Variants in TNRC18 observed in about 807,000 individuals in gnomAD.
The protein encoded by TNRC18 is trinucleotide repeat-containing gene 18 protein.
A neutral mutation model predicts 226.7 loss-of-function variants in TNRC18; 69 were observed. That is an observed-to-expected ratio of 0.30 (90% confidence interval 0.25 to 0.37). The LOEUF is 0.37. Ranked by LOEUF, TNRC18 falls within the 10% of genes least tolerant of loss-of-function variation. The probability of loss-of-function intolerance (pLI) is 1.00; values close to 1 mark genes in which losing one functional copy is unlikely to be tolerated. For synonymous variants in TNRC18, 2,449 were observed against 1,927.6 expected (o/e 1.27, Z -7.09); for missense variants, 4,754 against 4,256.6 (o/e 1.12, Z -3.25).
Position 5,388,386 on chromosome 7 carries a change from G to GGGGCGCACGCTCGCA in TNRC18, c.1423_1437dup (p.Cys475_Pro479dup), listed in dbSNP as rs1319751912. The stretch of plus-strand genomic sequence containing the variant: ...TGGGCTGCAGGACCGGCTGGGCCGC[G>GGGGCGCACGCTCGCA]GGGCGCACGCTCGCAGGGCCTCGGG... On this transcript the variant is annotated inframe_insertion, in exon 5 of 30. Transcript: ENST00000430969. 9 of 1,525,428 alleles carry GGGGCGCACGCTCGCA rather than the reference G, an allele frequency of 5.9e-6. No individual in the cohort carries two copies. The African/African-American group carries it at 1.3e-4, about 22-fold the overall frequency. The allele number at this position is 1,525,428 out of a possible 1,614,324, so 94.5% of individuals were successfully genotyped here.
At chr7:5,410,294 G>A (rs1393676309) in intron 2 of TNRC18, among the ~76,000 whole-genome samples, 1 of 122,434 alleles carries the variant, frequency 8.2e-6, no homozygotes, top group Middle Eastern at 6.1e-3. Context: ...CTGGGCAACA[G>A]AGCAAGACTC....
chr7:5,356,630 G>A (rs543707036), intron 16 of TNRC18, among the ~76,000 whole-genome samples: 10 of 152,336 alleles, frequency 6.6e-5, no homozygotes, highest in African/African-American at 2.4e-4. Context: ...GGGCAAGACA[G>A]GGCCGGCGGA....
intron 18 of TNRC18, among the ~76,000 whole-genome samples, chr7:5,334,674 C>T (rs1351146939): frequency 6.6e-6 from 1 of 152,156 alleles, no homozygotes; most frequent in Non-Finnish European, 1.5e-5. Flanking sequence ...AGGCCACAGG[C>T]ATGAGCGCTC....
At position 5,421,415 on chromosome 7, in the gene TNRC18, G is replaced by A; in HGVS notation, c.-169C>T. On this transcript the variant is annotated 5_prime_UTR_variant, in exon 2 of 30. Coordinates refer to ENST00000430969, the MANE Select transcript of TNRC18 (RefSeq NM_001080495.3). ...GCGCTCGGCGGCGGGCCCGCGGCCC[G>A]GGGCGCACAGGCGGCCGGCGGTGGG... is the stretch of plus-strand genomic sequence containing the variant. 2 of 425,638 alleles carry A rather than the reference G, an allele frequency of 4.7e-6. No individual in the cohort carries two copies. The highest frequency in any genetic ancestry group is 6.3e-6 in the Non-Finnish European group (2 of 316,908). The allele number at this position is 425,638 out of a possible 1,614,324, so 26.4% of individuals were successfully genotyped here.
rs368368703 is a variant in TNRC18, at chr7:5,370,697, G to C, written c.3897C>G (p.Pro1299=). 4 of 1,611,016 alleles carry C rather than the reference G, an allele frequency of 2.5e-6. No homozygotes were observed. Among genetic ancestry groups the C allele is most frequent in the Non-Finnish European group, 3.4e-6 (4 of 1,179,110 alleles). Residue 1299 remains proline, a synonymous_variant, in exon 11 of 30, where the codon CCC becomes CCG. Coordinates refer to ENST00000430969, the MANE Select transcript of TNRC18 (RefSeq NM_001080495.3). ...GGCTCGGGCACTGTCCCTCCCCGGC[G>C]GGCACGTCACAGTCTGACATTTCTA... ...PTLEMSDCDV[P]AGEGQCPSLE...
intron 4 of TNRC18, 51 bp from the exon 5 acceptor site, chr7:5,389,387 C>T (rs1780104629): frequency 1.6e-6 from 2 of 1,229,102 alleles, no homozygotes; most frequent in Non-Finnish European, 2.0e-6. Flanking sequence ...TCCCCTCCCA[C>T]CCCTGCCTGG....
At chr7:5,412,784 G>C (rs1395287689) in intron 2 of TNRC18, among the ~76,000 whole-genome samples, 2 of 152,066 alleles carry the variant, frequency 1.3e-5, no homozygotes, top group Non-Finnish European at 2.9e-5. Flanking sequence ...TTCTATCTGG[G>C]GATTACCAGG....
chr7:5,399,983 G>C (rs772405399), intron 2 of TNRC18, among the ~76,000 whole-genome samples: 8 of 151,914 alleles, frequency 5.3e-5, no homozygotes, highest in Non-Finnish European at 1.2e-4. Context: ...TCAACCTCCC[G>C]GGCTCAAGCA....
At position 5,423,476 on chromosome 7, in the gene TNRC18, G is replaced by A. The variant is rs1234837363; in HGVS notation, c.-279C>T. The A allele has an allele frequency of 6.6e-6, 1 of 152,106 alleles. No individual in the cohort carries two copies. Among genetic ancestry groups the A allele is most frequent in the Non-Finnish European group, 1.5e-5 (1 of 68,008 alleles). The allele number at this position is 152,106 out of a possible 1,614,324, so 9.4% of individuals were successfully genotyped here. A position where few individuals can be genotyped will look rare whatever the true frequency, so the allele number is the denominator to read the frequency against. On this transcript the variant is annotated 5_prime_UTR_variant, in exon 1 of 30. Coordinates refer to ENST00000430969, the MANE Select transcript of TNRC18 (RefSeq NM_001080495.3). ...TGGGTTCACGGCTCCAGGCTCCGGC[G>A]ACAACGACTCCGGCGGCGGCCCCGG...
At chr7:5,329,706 A>AAC (rs1440632487) in intron 19 of TNRC18, among the ~76,000 whole-genome samples, 2 of 151,226 alleles carry the variant, frequency 1.3e-5, no homozygotes, top group African/African-American at 4.9e-5. Flanking sequence ...AAAAAAAAAA[A>AAC]AGGATAGCTA....
intron 18 of TNRC18, among the ~76,000 whole-genome samples, chr7:5,341,247 TA>T (rs199568595): frequency 0.16 from 21,442 of 137,014 alleles, 1,706 homozygotes; most frequent in African/African-American, 0.19. Context: ...CTGTCTCTAC[TA>T]AAAAAAAAAA....
chr7:5,389,145 C>A lies in TNRC18; in HGVS notation c.679G>T (p.Ala227Ser), dbSNP rs1367353712. 1.5e-6 allele frequency: 2 copies of A among 1,319,458 alleles called. No homozygotes were observed. Among genetic ancestry groups the A allele is most frequent in the African/African-American group, 1.6e-5 (1 of 63,268 alleles). The allele number at this position is 1,319,458 out of a possible 1,614,324, so 81.7% of individuals were successfully genotyped here. A position where few individuals can be genotyped will look rare whatever the true frequency, so the allele number is the denominator to read the frequency against. The change falls in exon 5 of 30, where the codon GCC becomes TCC. Residue 227 changes from alanine (A) to serine (S), a missense_variant. By Grantham distance (99) the Ala-to-Ser change is moderately conservative. Coordinates refer to ENST00000430969, the MANE Select transcript of TNRC18 (RefSeq NM_001080495.3). The part of the protein sequence containing the change: ...PPLFGKKDPR[A>S]RGEEASGPRG... The stretch of plus-strand genomic sequence containing the variant: ...GGCCCCGAGGCCTCCTCGCCCCGGG[C>A]GCGCGGGTCCTTCTTGCCGAAAAGC...
At chr7:5,319,817 C>A (rs1788173648) in intron 24 of TNRC18, among the ~76,000 whole-genome samples, 1 of 152,172 alleles carries the variant, frequency 6.6e-6, no homozygotes, top group Admixed American at 6.6e-5. Flanking sequence ...GCCTCATTCT[C>A]TCTTATTCTA....
intron 2 of TNRC18, among the ~76,000 whole-genome samples, chr7:5,398,132 C>T (rs1396868377): frequency 2.0e-5 from 3 of 151,952 alleles, no homozygotes; most frequent in Non-Finnish European, 2.9e-5. Context: ...TCTTGGGTAG[C>T]TGGGACCACA....
In TNRC18 at chr7:5,307,942, GCACA is replaced by G. The variant is rs895709747; in HGVS notation, c.*160_*163del. ...TGCACATGCGTGCACACACGTGCATGCACACACACTCACCCGGGCATCCACGTGC... is the reference window on the plus strand; with the variant it reads ...TGCACATGCGTGCACACACGTGCATGCACACTCACCCGGGCATCCACGTGC... On this transcript the variant is annotated 3_prime_UTR_variant, in exon 30 of 30. Transcript: ENST00000430969. The G allele has an allele frequency of 2.6e-5, 17 of 644,088 alleles. No homozygotes were observed. Among genetic ancestry groups the G allele is most frequent in the Non-Finnish European group, 3.5e-5 (13 of 372,568 alleles). 39.9% of individuals were successfully genotyped at this position (644,088 alleles called of 1,614,324 possible). A position where few individuals can be genotyped will look rare whatever the true frequency, so the allele number is the denominator to read the frequency against.
chr7:5,405,000 C>G (rs968183550), intron 2 of TNRC18, among the ~76,000 whole-genome samples: 5 of 152,054 alleles, frequency 3.3e-5, no homozygotes, highest in Non-Finnish European at 5.9e-5. Context: ...CGCCTGTAGT[C>G]CCAGCTATTG....
At chr7:5,414,366 C>G (rs1384245547) in intron 2 of TNRC18, among the ~76,000 whole-genome samples, 1 of 151,462 alleles carries the variant, frequency 6.6e-6, no homozygotes, top group Non-Finnish European at 1.5e-5. Context: ...ATTCCGAGGA[C>G]AAGTTGTAGA....
Position 5,377,323 on chromosome 7 carries a change from C to CCCCCCCCCCCCAA in TNRC18, c.2461+47_2461+48insTTGGGGGGGGGGG. On this transcript the variant is annotated intron_variant, in intron 7 of 29. Coordinates refer to ENST00000430969, the MANE Select transcript of TNRC18 (RefSeq NM_001080495.3). The surrounding 1 kb of genome is among the most constrained non-coding windows in gnomAD (Gnocchi z 5.8). ...AGCTCTTGTCCTGCACCCGCCCCCT[C>CCCCCCCCCCCCAA]CCACCCCTCCCTCAGAGAAGGGGAG... 2.1e-6 allele frequency: 2 copies of CCCCCCCCCCCCAA among 949,542 alleles called. No homozygotes were observed. The highest frequency in any genetic ancestry group is 3.2e-6 in the Non-Finnish European group (2 of 633,188). 58.8% of individuals were successfully genotyped at this position (949,542 alleles called of 1,614,324 possible). A position where few individuals can be genotyped will look rare whatever the true frequency, so the allele number is the denominator to read the frequency against.
chr7:5,409,940 G>A (rs1227112118), intron 2 of TNRC18, among the ~76,000 whole-genome samples: 28 of 143,892 alleles, frequency 1.9e-4, no homozygotes, highest in East Asian at 1.9e-3. Flanking sequence ...GCAGTGAGCC[G>A]AGATCGCACC....
Sources: allele counts gnomAD v4.1 joint callset (sites outside exome capture counted in the v4.1 genomes callset), GRCh38; gene constraint gnomAD v4.1.1; non-coding constraint Gnocchi (gnomAD v3.1); transcripts MANE v1.5; gene names NCBI Gene and HGNC (gene_info 2026-07-23, HGNC 2026-07-21).